The following TSPAN18 variants were observed in gnomAD, a reference collection of about 807,000 sequenced individuals.
TSPAN18 encodes the protein tetraspanin-18.
Under a neutral mutation model 27.3 loss-of-function variants are expected in TSPAN18, and 14 were observed. That is an observed-to-expected ratio of 0.51 (90% CI 0.34 to 0.80). The LOEUF (loss-of-function observed/expected upper bound fraction) is 0.80, where lower values mean the gene tolerates loss of function less well. TSPAN18 is among the 30% of genes least tolerant of loss of function. The probability of loss-of-function intolerance (pLI) is 0.01; values close to 1 mark genes in which losing one functional copy is unlikely to be tolerated. For synonymous variants in TSPAN18, 143 were observed against 136.5 expected, an observed-to-expected ratio of 1.05 and a Z score of -0.33; for missense variants, 268 against 323.9, an observed-to-expected ratio of 0.83 and a Z score of 1.32.
intron 5 of TSPAN18, among the ~76,000 whole-genome samples, chr11:44,915,405 G>C (rs1048215977): frequency 6.6e-6 from 1 of 152,182 alleles, no homozygotes; most frequent in African/African-American, 2.4e-5. Flanking sequence ...AATTGTAGGA[G>C]TGGCAGAATG....
chr11:44,862,552 T>C (rs896641750), intron 3 of TSPAN18, among the ~76,000 whole-genome samples: 1 of 152,182 alleles, frequency 6.6e-6, no homozygotes, highest in African/African-American at 2.4e-5. Flanking sequence ...AGCCAATGGC[T>C]GTTGAGTGCC....
chr11:44,908,487 ATT>A (rs1422365558), intron 4 of TSPAN18, among the ~76,000 whole-genome samples: 1 of 151,928 alleles, frequency 6.6e-6, no homozygotes, highest in African/African-American at 2.4e-5. Context: ...TAATCCCAAC[ATT>A]TTGGGAGGCC....
intron 2 of TSPAN18, among the ~76,000 whole-genome samples, chr11:44,769,415 G>A (rs530190631): frequency 2.0e-5 from 3 of 152,332 alleles, no homozygotes; most frequent in Admixed American, 1.3e-4. Context: ...CTCACAGAAT[G>A]AGTTAGGAAG....
rs541535295 is a variant in TSPAN18 at position 44,729,312 on chromosome 11, G to C, written c.-240+2025G>C. Among the ~76,000 whole-genome samples, 60 of 152,212 alleles carry C rather than the reference G, an allele frequency of 3.9e-4. 1 individual carries two copies. In the South Asian group the frequency reaches 4.3e-3, roughly 11 times the overall value. On this transcript the variant is annotated intron_variant, in intron 1 of 9. Coordinates refer to ENST00000520358, the MANE Select transcript of TSPAN18 (RefSeq NM_130783.5). Reference sequence around the variant, plus strand: ...TAGTGACTCTTGTTTTTCTGTGGAGGGAAGCCTGCATGGACCAGCCCTGCC... The same window carrying C: ...TAGTGACTCTTGTTTTTCTGTGGAGCGAAGCCTGCATGGACCAGCCCTGCC...
rs528790951 is a variant in TSPAN18 at position 44,820,665 on chromosome 11, C to T, written c.-152-39663C>T. Among the ~76,000 whole-genome samples, 7 of 152,026 alleles carry T rather than the reference C, an allele frequency of 4.6e-5. No individual in the cohort carries two copies. In the East Asian group the frequency reaches 5.8e-4, roughly 13 times the overall value. On this transcript the variant is annotated intron_variant, in intron 2 of 9. Coordinates refer to ENST00000520358, the MANE Select transcript of TSPAN18 (RefSeq NM_130783.5). Reference sequence around the variant, plus strand: ...TGATATGGTTTGGATATTTGTCCCCCCGCCCCCAATCTCGTGTTGAAATTT... The same window carrying T: ...TGATATGGTTTGGATATTTGTCCCCTCGCCCCCAATCTCGTGTTGAAATTT...
chr11:44,841,743 G>A (rs1269737981), intron 2 of TSPAN18, among the ~76,000 whole-genome samples: 2 of 152,152 alleles, frequency 1.3e-5, no homozygotes, highest in African/African-American at 2.4e-5. Context: ...AATAGATTTG[G>A]GTTGTTCATG....
intron 3 of TSPAN18, among the ~76,000 whole-genome samples, chr11:44,896,045 T>C (rs899456558): frequency 3.3e-5 from 5 of 152,154 alleles, no homozygotes; most frequent in Non-Finnish European, 7.3e-5. Flanking sequence ...CACCTTGCAC[T>C]CCCTGGCACT....
intron 2 of TSPAN18, among the ~76,000 whole-genome samples, chr11:44,824,978 A>T (rs749574018): frequency 1.3e-5 from 2 of 152,146 alleles, no homozygotes; most frequent in African/African-American, 4.8e-5. Flanking sequence ...CTAGACACAG[A>T]CACTAAACCC....
At chr11:44,887,200 C>T (rs889264206) in intron 3 of TSPAN18, among the ~76,000 whole-genome samples, 1 of 152,210 alleles carries the variant, frequency 6.6e-6, no homozygotes. Context: ...CTGCCCCATG[C>T]CCCAACCTCT....
At chr11:44,809,521 C>T (rs1021975156) in intron 2 of TSPAN18, among the ~76,000 whole-genome samples, 2 of 152,240 alleles carry the variant, frequency 1.3e-5, no homozygotes, top group Admixed American at 6.5e-5. Context: ...TCCATAGATG[C>T]GTCTGGCTGT....
chr11:44,928,410 A>G (rs1235246832), intron 9 of TSPAN18, among the ~76,000 whole-genome samples: 1 of 152,196 alleles, frequency 6.6e-6, no homozygotes, highest in Admixed American at 6.5e-5. Flanking sequence ...CTGGGGTCAC[A>G]ATGCCTGGGA....
chr11:44,877,568 T>C (rs1022914997), intron 3 of TSPAN18, among the ~76,000 whole-genome samples: 2 of 152,070 alleles, frequency 1.3e-5, no homozygotes, highest in African/African-American at 4.8e-5. Context: ...CTCTGTTAGA[T>C]CATCTCCCCG....
At chr11:44,901,307 A>G (rs1008496481) in intron 3 of TSPAN18, 11 of 152,366 alleles carry the variant, frequency 7.2e-5, no homozygotes, top group African/African-American at 2.2e-4. Context: ...AGCCCGGGCC[A>G]TGAGATGTAA....
At chr11:44,911,204 G>A (rs539120011) in intron 5 of TSPAN18, among the ~76,000 whole-genome samples, 1 of 152,286 alleles carries the variant, frequency 6.6e-6, no homozygotes, top group East Asian at 1.9e-4. Context: ...CTCCTCATGG[G>A]CGAATTCGTG....
intron 4 of TSPAN18, among the ~76,000 whole-genome samples, chr11:44,908,663 G>C (rs1346403339): frequency 1.3e-5 from 2 of 151,234 alleles, no homozygotes; most frequent in African/African-American, 2.4e-5. Flanking sequence ...GGGCCCAGGA[G>C]GTCAAGGCTG....
chr11:44,890,251 G>T (rs887247845), intron 3 of TSPAN18, among the ~76,000 whole-genome samples: 3 of 152,218 alleles, frequency 2.0e-5, no homozygotes, highest in African/African-American at 7.2e-5. Context: ...GTATTCCATA[G>T]AACTCAAGGG....
At chr11:44,812,085 T>A (rs1856730123) in intron 2 of TSPAN18, among the ~76,000 whole-genome samples, 1 of 152,144 alleles carries the variant, frequency 6.6e-6, no homozygotes, top group African/African-American at 2.4e-5. Flanking sequence ...CACGCTTACC[T>A]CCCAGGTCTC....
rs116295208 is a variant in TSPAN18 at position 44,870,813 on chromosome 11, T to C, written c.-11+10344T>C. Among the ~76,000 whole-genome samples the C allele has an allele frequency of 1.8e-3, 281 of 152,290 alleles. 2 individuals are homozygous for C. The highest frequency in any genetic ancestry group is 6.5e-3 in the African/African-American group (272 of 41,550). ...CACCACATTTCAGCTGTTAAAGATGTCACTACACTCCATTCTGCTGGGGGA... is the reference window on the plus strand; with the variant it reads ...CACCACATTTCAGCTGTTAAAGATGCCACTACACTCCATTCTGCTGGGGGA... On this transcript the variant is annotated intron_variant, in intron 3 of 9. Transcript: ENST00000520358.
chr11:44,833,763 A>G (rs1487583091), intron 2 of TSPAN18, among the ~76,000 whole-genome samples: 1 of 151,942 alleles, frequency 6.6e-6, no homozygotes, highest in Non-Finnish European at 1.5e-5. Context: ...ACCAGGTCTG[A>G]TAGACACCCC....
Sources: allele counts gnomAD v4.1 joint callset (sites outside exome capture counted in the v4.1 genomes callset), GRCh38; gene constraint gnomAD v4.1.1; transcripts MANE v1.5; gene names NCBI Gene and HGNC (gene_info 2026-07-23, HGNC 2026-07-21).